The following SPAG16 variants were observed in gnomAD, a reference collection of about 807,000 sequenced individuals.
SPAG16 encodes sperm-associated antigen 16 protein.
Under a neutral mutation model 80.4 loss-of-function variants are expected in SPAG16, and 86 were observed. The observed-to-expected ratio is 1.07, with a 90% CI of 0.90 to 1.28. SPAG16 has a LOEUF of 1.28. Among genes scored for constraint, SPAG16 ranks in the 50% most tolerant of loss-of-function variants. SPAG16 has a pLI of 0.00. For synonymous variants in SPAG16, 294 were observed against 265.9 expected (o/e 1.11, Z -1.03); for missense variants, 870 against 765.3 (o/e 1.14, Z -1.61).
chr2:214,244,722 G>C (rs1270466228), intron 15 of SPAG16, among the ~76,000 whole-genome samples: 1 of 151,586 alleles, frequency 6.6e-6, no homozygotes, highest in Non-Finnish European at 1.5e-5. Flanking sequence ...ATGCTCCATT[G>C]GTTTAAATAA....
intron 15 of SPAG16, among the ~76,000 whole-genome samples, chr2:214,196,596 T>C (rs1019846694): frequency 6.6e-6 from 1 of 152,006 alleles, no homozygotes; most frequent in Non-Finnish European, 1.5e-5. Flanking sequence ...CAGAAGGTGC[T>C]CAGAAACTGC....
At chr2:213,715,423 G>A (rs539618364) in intron 10 of SPAG16, among the ~76,000 whole-genome samples, 7 of 152,212 alleles carry the variant, frequency 4.6e-5, no homozygotes, top group South Asian at 2.1e-4. Context: ...TAGATAATTC[G>A]TGACAAGCGC....
chr2:214,140,647 T>C (rs962903987), intron 14 of SPAG16, among the ~76,000 whole-genome samples: 1 of 152,060 alleles, frequency 6.6e-6, no homozygotes, highest in Admixed American at 6.5e-5. Flanking sequence ...TTATTAGTTA[T>C]ACCTTGTGGC....
intron 11 of SPAG16, among the ~76,000 whole-genome samples, chr2:213,886,750 A>C (rs2076571251): frequency 6.6e-6 from 1 of 152,094 alleles, no homozygotes; most frequent in South Asian, 2.1e-4. Flanking sequence ...GAAAAAAAAA[A>C]CTTGGAAATC....
In SPAG16 at chr2:213,317,207, AT is replaced by A; in HGVS notation, c.399-8del. 6.5e-7 allele frequency: 1 copy of A among 1,536,780 alleles called. No homozygotes were observed. Among genetic ancestry groups the A allele is most frequent in the Non-Finnish European group, 8.8e-7 (1 of 1,135,890 alleles). On this transcript the variant is annotated splice_polypyrimidine_tract_variant and intron_variant, in intron 4 of 15. Coordinates refer to ENST00000331683, the MANE Select transcript of SPAG16 (RefSeq NM_024532.5). ...GAAATGATATAAACCCTTTTGTTTG[AT>A]TTTATCCTAGGTATGAGTTAATACA...
chr2:213,776,991 GAAAC>G (rs1459347529), intron 10 of SPAG16, among the ~76,000 whole-genome samples: 4 of 151,798 alleles, frequency 2.6e-5, no homozygotes, highest in African/African-American at 2.4e-5. Flanking sequence ...ATTAAAAAAA[GAAAC>G]AAAAGTAACT....
At chr2:213,954,798 ATT>A (rs1559626085) in intron 12 of SPAG16, among the ~76,000 whole-genome samples, 2 of 152,134 alleles carry the variant, frequency 1.3e-5, no homozygotes, top group African/African-American at 4.8e-5. Flanking sequence ...AATTCTCCAC[ATT>A]GTTGCTAACA....
intron 9 of SPAG16, among the ~76,000 whole-genome samples, chr2:213,464,169 T>C (rs1383291005): frequency 6.6e-6 from 1 of 152,232 alleles, no homozygotes; most frequent in Non-Finnish European, 1.5e-5. Flanking sequence ...TTTCTTGGTC[T>C]AGAAGGAAAT....
intron 10 of SPAG16, among the ~76,000 whole-genome samples, chr2:213,667,152 A>G (rs188066166): frequency 4.6e-5 from 7 of 152,366 alleles, no homozygotes; most frequent in Middle Eastern, 3.4e-3. Context: ...TAAAACATAG[A>G]CATGAATCTG....
At chr2:213,679,953 A>G (rs946229010) in intron 10 of SPAG16, among the ~76,000 whole-genome samples, 4 of 152,130 alleles carry the variant, frequency 2.6e-5, no homozygotes, top group Admixed American at 1.3e-4. Context: ...ATGGGGATAG[A>G]CTAATACACA....
intron 15 of SPAG16, among the ~76,000 whole-genome samples, chr2:214,271,842 A>ACCCC (rs201033653): frequency 4.4e-5 from 6 of 135,640 alleles, no homozygotes; most frequent in African/African-American, 5.5e-5. Context: ...ACTGTGGGAA[A>ACCCC]CCCCCCCCCC....
At chr2:213,839,219 A>G (rs2074248061) in intron 10 of SPAG16, among the ~76,000 whole-genome samples, 1 of 152,236 alleles carries the variant, frequency 6.6e-6, no homozygotes, top group South Asian at 2.1e-4. Flanking sequence ...GAGTGCTTCT[A>G]TGCAGACAGT....
chr2:213,884,026 G>A (rs1046185963), intron 11 of SPAG16, among the ~76,000 whole-genome samples: 5 of 152,142 alleles, frequency 3.3e-5, no homozygotes, highest in African/African-American at 1.2e-4. Flanking sequence ...GTATGGATAT[G>A]TGAGATTTTT....
Position 213,310,195 on chromosome 2 carries a change from T to C in SPAG16, c.398+18T>C, listed in dbSNP as rs199826530. ...TCTGAATGGTAAACAATTATGTAGA[T>C]AAATAGTTCTCTTAAAATTCTAACA... On this transcript the variant is annotated intron_variant, in intron 4 of 15. Coordinates refer to ENST00000331683, the MANE Select transcript of SPAG16 (RefSeq NM_024532.5). The C allele has an allele frequency of 4.9e-4, 723 of 1,480,334 alleles. No individual in the cohort carries two copies. Among genetic ancestry groups the C allele is most frequent in the South Asian group, 1.3e-3 (107 of 85,306 alleles). 91.7% of individuals were successfully genotyped at this position (1,480,334 alleles called of 1,614,324 possible). A position where few individuals can be genotyped will look rare whatever the true frequency, so the allele number is the denominator to read the frequency against.
At chr2:213,761,434 GA>G (rs1333350074) in intron 10 of SPAG16, among the ~76,000 whole-genome samples, 114 of 152,150 alleles carry the variant, frequency 7.5e-4, no homozygotes, top group African/African-American at 2.6e-3. Flanking sequence ...ATAGTGAATA[GA>G]AAAACAACAG....
In SPAG16 at chr2:213,339,215, C is replaced by G. The variant is rs1202030329; in HGVS notation, c.537-948C>G. Among the ~76,000 whole-genome samples, 3 of 152,152 alleles carry G rather than the reference C, an allele frequency of 2.0e-5. No homozygotes were observed. The East Asian group carries it at 5.8e-4, about 29-fold the overall frequency. On this transcript the variant is annotated intron_variant, in intron 5 of 15. Coordinates refer to ENST00000331683, the MANE Select transcript of SPAG16 (RefSeq NM_024532.5). ...CTGATCCTCAGTGATTGACTTCTGA[C>G]ACCGCTTAAAGCAGAAATCTGTTCG...
At chr2:214,273,646 T>C (rs1421906639) in intron 15 of SPAG16, among the ~76,000 whole-genome samples, 3 of 152,318 alleles carry the variant, frequency 2.0e-5, no homozygotes, top group South Asian at 2.1e-4. Flanking sequence ...TTCTGTTCCA[T>C]TGGTCTATGT....
At chr2:214,037,877 G>GTT (rs2048790350) in intron 13 of SPAG16, among the ~76,000 whole-genome samples, 1 of 102,090 alleles carries the variant, frequency 9.8e-6, no homozygotes, top group African/African-American at 2.9e-5. Context: ...GTGTGTGTGT[G>GTT]TGTGTGTGTG....
intron 15 of SPAG16, among the ~76,000 whole-genome samples, chr2:214,260,813 ATT>A (rs1247120061): frequency 6.6e-6 from 1 of 151,870 alleles, no homozygotes; most frequent in African/African-American, 2.4e-5. Context: ...GTATGGTAAA[ATT>A]CTGAGACTTG....
Sources: allele counts gnomAD v4.1 joint callset (sites outside exome capture counted in the v4.1 genomes callset), GRCh38; gene constraint gnomAD v4.1.1; transcripts MANE v1.5; gene names NCBI Gene and HGNC (gene_info 2026-07-23, HGNC 2026-07-21).